PRRC2A: variants seen among roughly 807,000 people sequenced by gnomAD.
PRRC2A encodes protein PRRC2A.
A neutral mutation model predicts 224.6 loss-of-function variants in PRRC2A; 59 were observed. The ratio of observed to expected loss-of-function variants is 0.26; its 90% CI spans 0.21 to 0.33. The LOEUF is 0.33. PRRC2A is among the 10% of genes least tolerant of loss of function. The pLI is 1.00. For synonymous variants in PRRC2A, 1,194 were observed against 1,109.5 expected (o/e 1.08, Z -1.51); for missense variants, 3,095 against 2,880.7 (o/e 1.07, Z -1.70).
rs771808949 is a variant in PRRC2A at position 31,630,761 on chromosome 6, C to T, written c.2425C>T (p.Pro809Ser). Reference sequence around the variant, plus strand: ...CGCTGAACCCCGCCCACTTACCTCACCTCTGCGCCAGGCTGCGGATGAGGA... The same window carrying T: ...CGCTGAACCCCGCCCACTTACCTCATCTCTGCGCCAGGCTGCGGATGAGGA... ...TPAEPRPLTS[P>S]LRQAADEDDK... The change falls in exon 15 of 31, where the codon CCT becomes TCT. Residue 809 changes from proline (P) to serine (S), a missense_variant. By Grantham distance (74) the Pro-to-Ser change is moderately conservative (BLOSUM62 -1). Around this residue, in one of 8 missense-constraint regions of PRRC2A, gnomAD observed 2,001 missense variants for 1,764.9 expected, o/e 1.13. Transcript: ENST00000376033. The T allele has an allele frequency of 1.9e-5, 31 of 1,614,080 alleles. No individual in the cohort carries two copies. Among genetic ancestry groups the T allele is most frequent in the Non-Finnish European group, 2.5e-5 (30 of 1,180,058 alleles).
At chr6:31,633,707 A>G (rs1313711438) in intron 17 of PRRC2A, 60 bp downstream of exon 17, 14 of 1,554,172 alleles carry the variant, frequency 9.0e-6, no homozygotes, top group Non-Finnish European at 1.1e-5. Context: ...CAAGTGCTGG[A>G]GGGAGCGGGT....
intron 14 of PRRC2A, 70 bp from the exon 15 acceptor site, chr6:31,630,521 G>A: frequency 6.5e-7 from 1 of 1,533,598 alleles, no homozygotes. Context: ...ACCGCGAGGG[G>A]AGATGCTTTT....
chr6:31,633,257 C>T, intron 16 of PRRC2A, 122 bp from the exon 17 acceptor site: 1 of 1,414,850 alleles, frequency 7.1e-7, no homozygotes, highest in Non-Finnish European at 9.6e-7. Context: ...CTTAGAAGGA[C>T]TCAAAAACAC....
chr6:31,631,536 C>A lies in PRRC2A; in HGVS notation c.2863C>A (p.Pro955Thr). Residue 955 changes from proline (P) to threonine (T), a missense_variant, in exon 16 of 31, where the codon CCT becomes ACT. By Grantham distance (38) the Pro-to-Thr change is conservative. Around this residue, in one of 8 missense-constraint regions of PRRC2A, gnomAD observed 2,001 missense variants for 1,764.9 expected, o/e 1.13. Coordinates refer to ENST00000376033, the MANE Select transcript of PRRC2A (RefSeq NM_004638.4). The surrounding 1 kb of genome is among the most constrained non-coding windows in gnomAD (Gnocchi z 4.5). The stretch of plus-strand genomic sequence containing the variant: ...CCGCCGGGCTGGGCCTATAAAGAAA[C>A]CTCCACCACCTACAAAAGTAGAAGA... ...PPRRAGPIKK[P>T]PPPTKVEELP... 6.3e-7 allele frequency: 1 copy of A among 1,593,638 alleles called. No individual in the cohort carries two copies. Among genetic ancestry groups the A allele is most frequent in the South Asian group, 1.1e-5 (1 of 88,542 alleles).
Position 31,633,920 on chromosome 6 carries a change from T to C in PRRC2A, c.4650T>C (p.Ser1550=). 6.3e-7 allele frequency: 1 copy of C among 1,587,670 alleles called. No homozygotes were observed. The highest frequency in any genetic ancestry group is 1.2e-5 in the South Asian group (1 of 86,634). ...VRGVGGTPRD[S]AGVSPFPPKR... is the part of the protein sequence containing the mutation. Reference sequence around the variant, plus strand: ...GGGTGGGTGGGACTCCTCGGGACTCTGCCGGGGTTAGTCCCTTTCCCCCTA... The same window carrying C: ...GGGTGGGTGGGACTCCTCGGGACTCCGCCGGGGTTAGTCCCTTTCCCCCTA... Residue 1550 remains serine (S), a synonymous_variant, in exon 18 of 31, where the codon TCT becomes TCC. Transcript: ENST00000376033.
In PRRC2A at chr6:31,635,243, C is replaced by T. The variant is rs760674353; in HGVS notation, c.5272C>T (p.Pro1758Ser). ...GPIRPSHRPGPPVQFGTSDKD... is the reference protein window; with the variant it reads ...GPIRPSHRPGSPVQFGTSDKD... ...CATTCGGCCATCCCATCGACCTGGT[C>T]CCCCAGTCCAGTTTGGCACTAGTGA... Residue 1758 changes from proline to serine, a missense_variant, in exon 22 of 31, where the codon CCC becomes TCC. Around this residue, in one of 8 missense-constraint regions of PRRC2A, gnomAD observed 662 missense variants for 609.5 expected, o/e 1.09. Coordinates refer to ENST00000376033, the MANE Select transcript of PRRC2A (RefSeq NM_004638.4). The T allele has an allele frequency of 6.2e-7, 1 of 1,614,186 alleles. No homozygotes were observed. Among genetic ancestry groups the T allele is most frequent in the East Asian group, 2.2e-5 (1 of 44,880 alleles).
chr6:31,625,817 C>A lies in PRRC2A; in HGVS notation c.785C>A (p.Pro262His). 1 of 1,587,212 alleles carries A rather than the reference C, an allele frequency of 6.3e-7. No homozygotes were observed. The highest frequency in any genetic ancestry group is 8.6e-7 in the Non-Finnish European group (1 of 1,156,434). The change falls in exon 8 of 31, where the codon CCT becomes CAT. Residue 262 changes from proline to histidine, a missense_variant. This residue lies in a region of PRRC2A where 287 missense variants were observed against 275.3 expected (regional missense o/e 1.04). Coordinates refer to ENST00000376033, the MANE Select transcript of PRRC2A (RefSeq NM_004638.4). This position sits in a 1 kb window ranked among gnomAD's most constrained non-coding sequence, Gnocchi z 4.1. ...PFMYPPYLPFPPPYGPQGPYR... is the reference protein window; with the variant it reads ...PFMYPPYLPFHPPYGPQGPYR... Reference sequence around the variant, plus strand: ...ATGTATCCCCCATATCTCCCGTTCCCTCCGCCCTATGGACCCCAGGGGCCT... The same window carrying A: ...ATGTATCCCCCATATCTCCCGTTCCATCCGCCCTATGGACCCCAGGGGCCT...
rs188649568 is a variant in PRRC2A at position 31,627,674 on chromosome 6, G to T, written c.1291-91G>T. ...CCCAAAGCCTGGGTCGTTGCATCCT[G>T]CAAGTAGCGACAGTTGATTTGTTGT... On this transcript the variant is annotated intron_variant, in intron 11 of 30. Coordinates refer to ENST00000376033, the MANE Select transcript of PRRC2A (RefSeq NM_004638.4). This position sits in a 1 kb window ranked among gnomAD's most constrained non-coding sequence, Gnocchi z 5.6. 5 of 1,487,998 alleles carry T rather than the reference G, an allele frequency of 3.4e-6. No individual in the cohort carries two copies. The highest frequency in any genetic ancestry group is 3.6e-6 in the Non-Finnish European group (4 of 1,109,490). 92.2% of individuals were successfully genotyped at this position (1,487,998 alleles called of 1,614,324 possible).
intron 1 of PRRC2A, among the ~76,000 whole-genome samples, chr6:31,621,291 T>G (rs1775255845): frequency 6.6e-6 from 1 of 151,022 alleles, no homozygotes; most frequent in South Asian, 2.1e-4. Context: ...CAGCGCTGTG[T>G]TCCCCCCTCT....
At position 31,625,988 on chromosome 6, in the gene PRRC2A, A is replaced by G. The variant is rs753950942; in HGVS notation, c.840-32A>G. 3 of 1,609,340 alleles carry G rather than the reference A, an allele frequency of 1.9e-6. No individual in the cohort carries two copies. Among genetic ancestry groups the G allele is most frequent in the East Asian group, 2.2e-5 (1 of 44,830 alleles). ...TCAGTCTCGCATGTGGTTATACAAC[A>G]TGCCATATTTCATTTTCTTTTTTGT... is the stretch of plus-strand genomic sequence containing the variant. On this transcript the variant is annotated intron_variant, in intron 8 of 30. Coordinates refer to ENST00000376033, the MANE Select transcript of PRRC2A (RefSeq NM_004638.4). This position sits in a 1 kb window ranked among gnomAD's most constrained non-coding sequence, Gnocchi z 4.1.
rs764915661 is a variant in PRRC2A, at chr6:31,625,117, G to T, written c.464-54G>T. 5 of 1,574,384 alleles carry T rather than the reference G, an allele frequency of 3.2e-6. No homozygotes were observed. The East Asian group carries it at 1.1e-4, about 36-fold the overall frequency. ...CCAGCCAGAGTCTTCCACTTTTATA[G>T]CATGTCCTCAGGAAATGTCTTCTGT... On this transcript the variant is annotated intron_variant, in intron 5 of 30. Coordinates refer to ENST00000376033, the MANE Select transcript of PRRC2A (RefSeq NM_004638.4). The surrounding 1 kb of genome is among the most constrained non-coding windows in gnomAD (Gnocchi z 4.1).
chr6:31,628,520 G>T, intron 12 of PRRC2A: 1 of 512,028 alleles, frequency 2.0e-6, no homozygotes, highest in Non-Finnish European at 3.3e-6. Flanking sequence ...CTTGAGCCTA[G>T]GGAGTTTGAG....
chr6:31,625,793 T>G lies in PRRC2A; in HGVS notation c.761T>G (p.Met254Arg), dbSNP rs567066159. The change falls in exon 8 of 31, where the codon ATG becomes AGG. Residue 254 changes from methionine (M) to arginine (R), a missense_variant and splice_region_variant. Around this residue, in one of 8 missense-constraint regions of PRRC2A, gnomAD observed 287 missense variants for 275.3 expected, o/e 1.04. Coordinates refer to ENST00000376033, the MANE Select transcript of PRRC2A (RefSeq NM_004638.4). This position sits in a 1 kb window ranked among gnomAD's most constrained non-coding sequence, Gnocchi z 4.1. ...PPYRGMMPPF[M>R]YPPYLPFPPP... Reference sequence around the variant, plus strand: ...AGCTACTGTTGGACCCTTTTACAGATGTATCCCCCATATCTCCCGTTCCCT... The same window carrying G: ...AGCTACTGTTGGACCCTTTTACAGAGGTATCCCCCATATCTCCCGTTCCCT... 6.4e-7 allele frequency: 1 copy of G among 1,573,698 alleles called. No individual in the cohort carries two copies. Among genetic ancestry groups the G allele is most frequent in the Non-Finnish European group, 8.7e-7 (1 of 1,143,764 alleles).
rs1272762383 is a variant in PRRC2A, at chr6:31,632,964, A to C, written c.4291A>C (p.Arg1431=). 1 of 1,600,068 alleles carries C rather than the reference A, an allele frequency of 6.2e-7. No homozygotes were observed. Among genetic ancestry groups the C allele is most frequent in the South Asian group, 1.1e-5 (1 of 90,540 alleles). Residue 1431 remains arginine (R), a synonymous_variant, in exon 16 of 31, where the codon AGG becomes CGG. Coordinates refer to ENST00000376033, the MANE Select transcript of PRRC2A (RefSeq NM_004638.4). ...GRTGPGRGDK[R]SWPSPKNRSR... ...GACCGGGCCAGGACGAGGCGACAAG[A>C]GGAGCTGGCCCTCTCCCAAGAACCG...
Position 31,636,699 on chromosome 6 carries a change from C to T in PRRC2A, c.5935-34C>T. On this transcript the variant is annotated intron_variant, in intron 27 of 30. Coordinates refer to ENST00000376033, the MANE Select transcript of PRRC2A (RefSeq NM_004638.4). The surrounding 1 kb of genome is among the most constrained non-coding windows in gnomAD (Gnocchi z 4.3). The stretch of plus-strand genomic sequence containing the variant: ...CCTGGTTTTCTGACATTCCTCCCTG[C>T]CCCCAACATGCACACCCAAATTTCT... 6.3e-7 allele frequency: 1 copy of T among 1,599,924 alleles called. No homozygotes were observed. Among genetic ancestry groups the T allele is most frequent in the East Asian group, 2.2e-5 (1 of 44,724 alleles).
At position 31,634,980 on chromosome 6, in the gene PRRC2A, A is replaced by AT; in HGVS notation, c.5160+3_5160+4insT. ...CCCCCCACGATGGGGACAGAAAGGTAAAAGACCAAAAAAGGATAAGGGGAA... is the reference window on the plus strand; with the variant it reads ...CCCCCCACGATGGGGACAGAAAGGTATAAAGACCAAAAAAGGATAAGGGGAA... On this transcript the variant is annotated splice_donor_region_variant and intron_variant, in intron 21 of 30. Transcript: ENST00000376033. 1 of 1,610,836 alleles carries AT rather than the reference A, an allele frequency of 6.2e-7. No individual in the cohort carries two copies. Among genetic ancestry groups the AT allele is most frequent in the South Asian group, 1.1e-5 (1 of 91,032 alleles).
Position 31,635,674 on chromosome 6 carries a change from C to G in PRRC2A, c.5466C>G (p.Val1822=). ...AGAACCTGGATTCTGGGCACTGTGT[C>G]CCGGAGCCCAGCTCCTCAGGCCAGC... ...QSKNLDSGHC[V]PEPSSSGQRL... Residue 1822 remains valine, a synonymous_variant, in exon 24 of 31, where the codon GTC becomes GTG. Transcript: ENST00000376033. 1 of 1,612,884 alleles carries G rather than the reference C, an allele frequency of 6.2e-7. No individual in the cohort carries two copies. Among genetic ancestry groups the G allele is most frequent in the Non-Finnish European group, 8.5e-7 (1 of 1,179,916 alleles).
Position 31,634,962 on chromosome 6 carries a change from C to A in PRRC2A, c.5145C>A (p.His1715Gln). 3 of 1,612,576 alleles carry A rather than the reference C, an allele frequency of 1.9e-6. No individual in the cohort carries two copies. The highest frequency in any genetic ancestry group is 1.7e-6 in the Non-Finnish European group (2 of 1,179,802). ...CTAGGAGACCACCACCTGCCCCCCA[C>A]GATGGGGACAGAAAGGTAAAAGACC... ...EPPRRPPPAP[H>Q]DGDRKELPRE... The change falls in exon 21 of 31, where the codon CAC becomes CAA. Residue 1715 changes from histidine (H) to glutamine (Q), a missense_variant. Physicochemically the swap from His to Gln is conservative, Grantham distance 24. Coordinates refer to ENST00000376033, the MANE Select transcript of PRRC2A (RefSeq NM_004638.4).
intron 1 of PRRC2A, among the ~76,000 whole-genome samples, chr6:31,622,288 CAG>C (rs1775377172): frequency 6.6e-6 from 1 of 152,216 alleles, no homozygotes; most frequent in East Asian, 1.9e-4. Flanking sequence ...GTCCAATAAA[CAG>C]GGAATCTAAA....
Sources: allele counts gnomAD v4.1 joint callset (sites outside exome capture counted in the v4.1 genomes callset), GRCh38; gene constraint gnomAD v4.1.1; regional missense constraint gnomAD v4.1.1; non-coding constraint Gnocchi (gnomAD v3.1); transcripts MANE v1.5; gene names NCBI Gene and HGNC (gene_info 2026-07-23, HGNC 2026-07-21).